Variants in MAGI2 observed in about 807,000 individuals in gnomAD.
MAGI2 encodes membrane-associated guanylate kinase, WW and PDZ domain-containing protein 2.
Under a neutral mutation model 133.3 loss-of-function variants are expected in MAGI2, and 35 were observed. That is an observed-to-expected ratio of 0.26 (90% CI 0.20 to 0.35). The LOEUF is 0.35. Among genes scored for constraint, MAGI2 ranks in the 10% least tolerant of loss-of-function variants. MAGI2 has a pLI of 1.00. For missense variants in MAGI2, 1,636 were observed against 1,863.4 expected, an observed-to-expected ratio of 0.88 and a Z score of 2.25; for synonymous variants, 729 against 710.6, an observed-to-expected ratio of 1.03 and a Z score of -0.41.
At chr7:78,044,897 G>A (rs534991936) in intron 21 of MAGI2, among the ~76,000 whole-genome samples, 4 of 152,308 alleles carry the variant, frequency 2.6e-5, no homozygotes, top group East Asian at 1.9e-4. Flanking sequence ...GGCCGGGTGC[G>A]GCGGCTCACA....
intron 2 of MAGI2, among the ~76,000 whole-genome samples, chr7:78,827,791 T>C (rs985290278): frequency 2.0e-5 from 3 of 152,070 alleles, no homozygotes; most frequent in Non-Finnish European, 2.9e-5. Flanking sequence ...TAGAAATAAA[T>C]AGGGGAGAAA....
chr7:78,924,789 A>C (rs913609258), intron 2 of MAGI2, among the ~76,000 whole-genome samples: 10 of 151,854 alleles, frequency 6.6e-5, no homozygotes, highest in Non-Finnish European at 1.0e-4. Context: ...TCATTTGTTG[A>C]ACAACAGTTC....
intron 6 of MAGI2, among the ~76,000 whole-genome samples, chr7:78,461,035 T>C (rs1350848019): frequency 1.3e-5 from 2 of 152,122 alleles, no homozygotes; most frequent in African/African-American, 4.8e-5. Flanking sequence ...TCGTTCTTTC[T>C]AACAACCTTT....
intron 2 of MAGI2, among the ~76,000 whole-genome samples, chr7:78,737,569 A>G (rs780273460): frequency 5.9e-5 from 9 of 152,186 alleles, no homozygotes; most frequent in Non-Finnish European, 8.8e-5. Context: ...GATTTTCTTC[A>G]TATACTTCAA....
At position 78,019,749 on chromosome 7, in the gene MAGI2, C is replaced by T. The variant is rs774328144; in HGVS notation, c.3934G>A (p.Glu1312Lys). The change falls in exon 22 of 22, where the codon GAG becomes AAG. Residue 1312 changes from glutamate to lysine, a missense_variant. Transcript: ENST00000354212. ...ACGQKKQRLG[E>K]QRERSASPQR... Reference sequence around the variant, plus strand: ...GGACTCGCCGAGCGCTCCCTCTGCTCCCCGAGGCGCTGCTTCTTCTGGCCG... The same window carrying T: ...GGACTCGCCGAGCGCTCCCTCTGCTTCCCGAGGCGCTGCTTCTTCTGGCCG... The T allele has an allele frequency of 2.5e-6, 4 of 1,611,816 alleles. No homozygotes were observed. The highest frequency in any genetic ancestry group is 2.5e-6 in the Non-Finnish European group (3 of 1,179,588).
intron 1 of MAGI2, 73 bp downstream of exon 1, chr7:79,452,946 GC>G: frequency 1.4e-6 from 2 of 1,456,112 alleles, no homozygotes; most frequent in African/African-American, 2.8e-5. Context: ...AACATGCGCG[GC>G]CACCCTTTCA....
At chr7:79,065,043 C>T (rs1814161799) in intron 1 of MAGI2, among the ~76,000 whole-genome samples, 1 of 151,982 alleles carries the variant, frequency 6.6e-6, no homozygotes, top group Non-Finnish European at 1.5e-5. Context: ...GATTACCTTC[C>T]TATTTCTGTA....
At chr7:78,949,398 G>T (rs1801690554) in intron 2 of MAGI2, among the ~76,000 whole-genome samples, 1 of 152,096 alleles carries the variant, frequency 6.6e-6, no homozygotes, top group Admixed American at 6.6e-5. Context: ...GTCTTGGCCT[G>T]CTCTGCTTTA....
At chr7:78,994,035 C>T (rs1028449278) in intron 2 of MAGI2, among the ~76,000 whole-genome samples, 1 of 151,970 alleles carries the variant, frequency 6.6e-6, no homozygotes, top group Non-Finnish European at 1.5e-5. Context: ...GTGTATATCT[C>T]GATTCTGTAT....
intron 2 of MAGI2, among the ~76,000 whole-genome samples, chr7:78,655,427 AACAAAAAAC>A (rs1812077466): frequency 6.8e-6 from 1 of 147,564 alleles, no homozygotes; most frequent in African/African-American, 2.5e-5. Flanking sequence ...AACAAAACAA[AACAAAAAAC>A]AAACAAAAAA....
chr7:78,877,899 A>G (rs1451191845), intron 2 of MAGI2, among the ~76,000 whole-genome samples: 1 of 152,222 alleles, frequency 6.6e-6, no homozygotes. Flanking sequence ...TGATTAAAAC[A>G]TTTAGTGAAT....
At chr7:78,625,951 A>G (rs1363270077) in intron 3 of MAGI2, among the ~76,000 whole-genome samples, 1 of 152,184 alleles carries the variant, frequency 6.6e-6, no homozygotes, top group Non-Finnish European at 1.5e-5. Context: ...TATTCACTCA[A>G]TGATGAAATA....
chr7:78,951,878 C>T (rs189566835), intron 2 of MAGI2, among the ~76,000 whole-genome samples: 86 of 152,272 alleles, frequency 5.6e-4, no homozygotes, highest in African/African-American at 1.9e-3. Flanking sequence ...ACATCCTCTA[C>T]ACTGATTAGG....
intron 6 of MAGI2, among the ~76,000 whole-genome samples, chr7:78,384,235 A>G (rs1429489265): frequency 6.6e-6 from 1 of 152,132 alleles, no homozygotes; most frequent in African/African-American, 2.4e-5. Context: ...TCATAATGTA[A>G]CATATTTTGT....
chr7:79,088,395 C>T (rs1816722824), intron 1 of MAGI2, among the ~76,000 whole-genome samples: 2 of 152,092 alleles, frequency 1.3e-5, no homozygotes, highest in African/African-American at 4.8e-5. Flanking sequence ...TGCTTATCAG[C>T]ATAGGGAGAT....
rs141957545 is a variant in MAGI2 at position 78,559,301 on chromosome 7, C to A, written c.539-37656G>T. Among the ~76,000 whole-genome samples the A allele has an allele frequency of 7.8e-3, 1,180 of 150,416 alleles. 57 individuals are homozygous for A. The highest frequency in any genetic ancestry group is 0.07 in the Admixed American group (1,055 of 15,104). On this transcript the variant is annotated intron_variant, in intron 3 of 21. Transcript: ENST00000354212. ...GTATTTTGGACTTTCTTCTCACTAC[C>A]CCTTGGTTGACTTGTGTATTAAAGA...
chr7:78,989,341 G>A (rs1189977957), intron 2 of MAGI2, among the ~76,000 whole-genome samples: 1 of 152,024 alleles, frequency 6.6e-6, no homozygotes, highest in Non-Finnish European at 1.5e-5. Flanking sequence ...TTATACACCA[G>A]TAGGAAAAGT....
intron 1 of MAGI2, among the ~76,000 whole-genome samples, chr7:79,360,344 G>C (rs1377591635): frequency 6.6e-6 from 1 of 151,742 alleles, no homozygotes; most frequent in East Asian, 1.9e-4. Context: ...ACTATTCTTG[G>C]GACAAACAAA....
chr7:78,124,861 C>CTTTTTTTTTTTTTTTTTTTTTTTTT (rs10707820), intron 20 of MAGI2, among the ~76,000 whole-genome samples: 1 of 137,430 alleles, frequency 7.3e-6, no homozygotes, highest in Non-Finnish European at 1.6e-5. Context: ...TAGCTGCTGT[C>CTTTTTTTTTTTTTTTTTTTTTTTTT]TTTTTTTTTT....
Sources: gnomAD v4.1 joint callset for allele counts (sites outside exome capture counted in the v4.1 genomes callset) on GRCh38, gnomAD v4.1.1 for gene constraint, MANE v1.5 for transcripts, NCBI Gene and HGNC (gene_info 2026-07-23, HGNC 2026-07-21) for gene names.